Variants in TENM3 observed in about 807,000 individuals in gnomAD.
TENM3 encodes the protein teneurin transmembrane protein 3, also known as teneurin-3.
TENM3 carries 63 observed loss-of-function variants against 255.1 expected under a neutral mutation model. That is an observed-to-expected ratio of 0.25 (90% CI 0.20 to 0.30). The LOEUF (loss-of-function observed/expected upper bound fraction) is 0.30, where lower values mean the gene tolerates loss of function less well. TENM3 is among the 10% of genes least tolerant of loss of function. TENM3 has a pLI of 1.00. For missense variants in TENM3, 2,929 were observed against 3,461.1 expected, an observed-to-expected ratio of 0.85 and a Z score of 3.86; for synonymous variants, 1,306 against 1,322.3, an observed-to-expected ratio of 0.99 and a Z score of 0.27.
the TENM3 span, among the ~76,000 whole-genome samples, chr4:182,096,550 C>CA: frequency 6.6e-6 from 1 of 152,086 alleles, no homozygotes; most frequent in Non-Finnish European, 1.5e-5. Context: ...ATATTATGGA[C>CA]AATTAGCAGC....
intron 1 of TENM3, among the ~76,000 whole-genome samples, chr4:182,317,122 T>C (rs1015151663): frequency 2.6e-5 from 4 of 152,228 alleles, no homozygotes; most frequent in Non-Finnish European, 5.9e-5. Flanking sequence ...TTATTTATTA[T>C]TGCTGTCAAA....
chr4:182,324,411 A>G (rs902778362), intron 2 of TENM3, among the ~76,000 whole-genome samples, 159 bp downstream of exon 2: 13 of 152,248 alleles, frequency 8.5e-5, no homozygotes, highest in African/African-American at 2.9e-4. Context: ...ATTCCAGATG[A>G]GAGATAGAAA....
At chr4:181,729,103 G>A in the TENM3 span, among the ~76,000 whole-genome samples, 2 of 152,096 alleles carry the variant, frequency 1.3e-5, no homozygotes, top group Non-Finnish European at 2.9e-5. Context: ...AAATACATAT[G>A]TAATTATTAA....
chr4:182,131,448 C>T, the TENM3 span, among the ~76,000 whole-genome samples: 65,651 of 151,988 alleles, frequency 0.43, 14,573 homozygotes, highest in African/African-American at 0.53. Flanking sequence ...ACCTCACCCA[C>T]GATTAGCATT....
At chr4:182,755,701 G>A (rs74362059) in intron 22 of TENM3, among the ~76,000 whole-genome samples, 5,803 of 152,194 alleles carry the variant, frequency 0.038, 208 homozygotes, top group Admixed American at 0.092. Context: ...ATAGCCGGGC[G>A]TGGTGGCGGG....
the TENM3 span, among the ~76,000 whole-genome samples, chr4:181,904,224 A>T: frequency 6.6e-6 from 1 of 152,092 alleles, no homozygotes; most frequent in African/African-American, 2.4e-5. Flanking sequence ...AGCCACTATC[A>T]GTCCTCACAT....
intron 18 of TENM3, among the ~76,000 whole-genome samples, chr4:182,739,852 A>G (rs1338211954): frequency 6.6e-6 from 1 of 152,194 alleles, no homozygotes; most frequent in Admixed American, 6.5e-5. Flanking sequence ...CCTGGCCAAC[A>G]TGATAAAACC....
Position 182,317,607 on chromosome 4 carries a change from C to A in TENM3, c.-75-6339C>A, listed in dbSNP as rs185522137. 3.3e-3 allele frequency among the ~76,000 whole-genome samples: 497 copies of A among 152,104 alleles called. 4 individuals are homozygous for A. The highest frequency in any genetic ancestry group is 0.011 in the African/African-American group (468 of 41,502). On this transcript the variant is annotated intron_variant, in intron 1 of 27. Coordinates refer to ENST00000511685, the MANE Select transcript of TENM3 (RefSeq NM_001080477.4). ...GCAGGTGTGAGCCACCATGCCTGGC[C>A]TTGTGTTTTAACTTTTTACCGCTAA...
intron 24 of TENM3, among the ~76,000 whole-genome samples, chr4:182,785,630 C>A (rs1765582427): frequency 6.7e-6 from 1 of 149,934 alleles, no homozygotes; most frequent in Non-Finnish European, 1.5e-5. Context: ...ATCACTTGAG[C>A]CCAGACAGTC....
At chr4:181,697,665 TACAGGCG>T in the TENM3 span, among the ~76,000 whole-genome samples, 20 of 152,152 alleles carry the variant, frequency 1.3e-4, no homozygotes, top group Non-Finnish European at 2.5e-4. Context: ...GTGCTGGGAT[TACAGGCG>T]TAAGCCACTG....
At chr4:182,305,678 C>T (rs1358314085) in intron 1 of TENM3, among the ~76,000 whole-genome samples, 1 of 152,224 alleles carries the variant, frequency 6.6e-6, no homozygotes, top group Non-Finnish European at 1.5e-5. Flanking sequence ...TGCACAGCGG[C>T]TCTTTGCGGC....
At chr4:181,773,925 T>C in the TENM3 span, among the ~76,000 whole-genome samples, 1 of 152,096 alleles carries the variant, frequency 6.6e-6, no homozygotes, top group African/African-American at 2.4e-5. Flanking sequence ...TGAGCCTCTT[T>C]TTCAAAATTA....
chr4:182,604,920 G>A (rs962014087), intron 4 of TENM3, among the ~76,000 whole-genome samples: 3 of 151,966 alleles, frequency 2.0e-5, no homozygotes, highest in African/African-American at 4.8e-5. Context: ...GTCTTGAGCC[G>A]CATTAATGTG....
chr4:182,253,083 A>G (rs1294758275), intron 1 of TENM3, among the ~76,000 whole-genome samples: 2 of 152,236 alleles, frequency 1.3e-5, no homozygotes, highest in East Asian at 3.8e-4. Context: ...TAGAGGCTTT[A>G]TCTCTCTTGT....
chr4:181,900,828 T>C, the TENM3 span, among the ~76,000 whole-genome samples: 1 of 152,172 alleles, frequency 6.6e-6, no homozygotes, highest in African/African-American at 2.4e-5. Flanking sequence ...GAGAACAGAA[T>C]TATAACATCT....
At chr4:181,894,926 T>C in the TENM3 span, among the ~76,000 whole-genome samples, 7 of 152,106 alleles carry the variant, frequency 4.6e-5, no homozygotes, top group African/African-American at 1.4e-4. Flanking sequence ...ATGAAAAATA[T>C]TAGAAAATTC....
chr4:181,567,713 T>C, the TENM3 span, among the ~76,000 whole-genome samples: 1 of 152,210 alleles, frequency 6.6e-6, no homozygotes, highest in Non-Finnish European at 1.5e-5. Context: ...TAACAAGTTC[T>C]TTTTTACTCT....
chr4:181,862,613 C>T, the TENM3 span, among the ~76,000 whole-genome samples: 2 of 152,110 alleles, frequency 1.3e-5, no homozygotes, highest in South Asian at 2.1e-4. Flanking sequence ...TCAGGTCTTA[C>T]GATGTGCCAG....
chr4:182,635,584 A>G (rs898183080), intron 5 of TENM3, among the ~76,000 whole-genome samples: 1 of 152,256 alleles, frequency 6.6e-6, no homozygotes, highest in Non-Finnish European at 1.5e-5. Flanking sequence ...CCTGACAAGT[A>G]TAGCAAACCG....
Sources: allele counts gnomAD v4.1 joint callset (sites outside exome capture counted in the v4.1 genomes callset), GRCh38; gene constraint gnomAD v4.1.1; transcripts MANE v1.5; gene names NCBI Gene and HGNC (gene_info 2026-07-23, HGNC 2026-07-21).